The following SNX30 variants were observed in gnomAD, a reference collection of about 807,000 sequenced individuals.
SNX30 encodes sorting nexin-30.
SNX30 carries 24 observed loss-of-function variants against 46.4 expected under a neutral mutation model. The ratio of observed to expected loss-of-function variants is 0.52; its 90% CI spans 0.37 to 0.73. The LOEUF (loss-of-function observed/expected upper bound fraction) is 0.73, where lower values mean the gene tolerates loss of function less well. Ranked by LOEUF, SNX30 falls within the 30% of genes least tolerant of loss-of-function variation. The probability of loss-of-function intolerance (pLI) is 0.00; values close to 1 mark genes in which losing one functional copy is unlikely to be tolerated. For missense variants in SNX30, 533 were observed against 555.7 expected (o/e 0.96, Z 0.41); for synonymous variants, 189 against 211.5 (o/e 0.89, Z 0.92).
intron 1 of SNX30, among the ~76,000 whole-genome samples, chr9:112,796,858 G>A (rs954106646): frequency 6.6e-6 from 1 of 152,046 alleles, no homozygotes; most frequent in African/African-American, 2.4e-5. Context: ...AGAGCTCATG[G>A]ATGTGACTGC....
intron 2 of SNX30, among the ~76,000 whole-genome samples, chr9:112,813,875 AT>A (rs1840357758): frequency 6.6e-6 from 1 of 152,228 alleles, no homozygotes; most frequent in Admixed American, 6.5e-5. Context: ...TAATTATTGA[AT>A]ATTTAGGTTG....
intron 5 of SNX30, among the ~76,000 whole-genome samples, chr9:112,837,950 G>C (rs1840790079): frequency 7.0e-6 from 1 of 143,424 alleles, no homozygotes; most frequent in Non-Finnish European, 1.5e-5. Flanking sequence ...GAGTGCAGTG[G>C]AGTGATCTTG....
intron 1 of SNX30, among the ~76,000 whole-genome samples, chr9:112,751,596 T>G (rs1839277753): frequency 6.6e-6 from 1 of 152,236 alleles, no homozygotes; most frequent in African/African-American, 2.4e-5. Context: ...CGGGCAGCCC[T>G]GGGCTTACAG....
intron 1 of SNX30, among the ~76,000 whole-genome samples, chr9:112,757,054 A>G (rs1364464766): frequency 6.6e-6 from 1 of 152,176 alleles, no homozygotes; most frequent in Non-Finnish European, 1.5e-5. Context: ...TTTATTATTA[A>G]TAACTCTAGT....
chr9:112,774,609 G>C (rs1443885269), intron 1 of SNX30, among the ~76,000 whole-genome samples: 1 of 152,128 alleles, frequency 6.6e-6, no homozygotes, highest in East Asian at 1.9e-4. Flanking sequence ...CCACATTCTT[G>C]TCAAGACTTG....
chr9:112,791,524 G>A (rs1027428486), intron 1 of SNX30, among the ~76,000 whole-genome samples: 1 of 138,206 alleles, frequency 7.2e-6, no homozygotes, highest in African/African-American at 2.7e-5. Flanking sequence ...CGATTCTCCT[G>A]CCTCAGTCTC....
chr9:112,849,267 C>G (rs894261666), intron 6 of SNX30, among the ~76,000 whole-genome samples: 1 of 152,180 alleles, frequency 6.6e-6, no homozygotes, highest in Non-Finnish European at 1.5e-5. Flanking sequence ...ACAAAGGACT[C>G]TTTTTTACTT....
At chr9:112,823,989 T>C (rs1840543649) in intron 3 of SNX30, among the ~76,000 whole-genome samples, 1 of 152,220 alleles carries the variant, frequency 6.6e-6, no homozygotes, top group Non-Finnish European at 1.5e-5. Flanking sequence ...TTCTATTAGT[T>C]CGACAAGGGT....
intron 1 of SNX30, among the ~76,000 whole-genome samples, chr9:112,770,904 G>A (rs1163449795): frequency 5.3e-5 from 8 of 152,194 alleles, no homozygotes; most frequent in Non-Finnish European, 8.8e-5. Flanking sequence ...GCTGAGGCAG[G>A]AGAATCTCTT....
chr9:112,847,047 C>T (rs1438827934), intron 6 of SNX30, among the ~76,000 whole-genome samples: 2 of 152,224 alleles, frequency 1.3e-5, no homozygotes, highest in Non-Finnish European at 2.9e-5. Context: ...TCATCCAACT[C>T]TTCCAAACAT....
intron 1 of SNX30, among the ~76,000 whole-genome samples, chr9:112,754,636 C>G (rs1205049398): frequency 6.6e-6 from 1 of 152,124 alleles, no homozygotes; most frequent in Non-Finnish European, 1.5e-5. Context: ...GAACTTCTGA[C>G]CTCAGATGAT....
chr9:112,867,005 CTCCTCCCCCCTCCTCAGAAT>C (rs2131513221), intron 8 of SNX30, among the ~76,000 whole-genome samples: 2 of 146,724 alleles, frequency 1.4e-5, no homozygotes, highest in Non-Finnish European at 3.0e-5. Context: ...CTCCTCAGAA[CTCCTCCCCCCTCCTCAGAAT>C]TCCTCCCACC....
intron 1 of SNX30, among the ~76,000 whole-genome samples, chr9:112,782,602 A>T (rs998408868): frequency 2.0e-5 from 3 of 152,238 alleles, no homozygotes; most frequent in Non-Finnish European, 4.4e-5. Flanking sequence ...TATTTTCTAA[A>T]TAGTTAACCA....
intron 1 of SNX30, among the ~76,000 whole-genome samples, chr9:112,759,032 C>T (rs1839399017): frequency 6.6e-6 from 1 of 151,458 alleles, no homozygotes; most frequent in Non-Finnish European, 1.5e-5. Flanking sequence ...CATCTGGTGC[C>T]TTTTTTTTGT....
intron 1 of SNX30, among the ~76,000 whole-genome samples, chr9:112,791,224 G>T (rs1840014572): frequency 1.3e-5 from 2 of 151,878 alleles, no homozygotes; most frequent in Non-Finnish European, 2.9e-5. Context: ...CCTACCTGTA[G>T]CCCCTGGCAA....
intron 1 of SNX30, among the ~76,000 whole-genome samples, chr9:112,787,422 G>GC (rs1359968763): frequency 6.6e-6 from 1 of 152,108 alleles, no homozygotes; most frequent in Non-Finnish European, 1.5e-5. Flanking sequence ...TTTAAGGACA[G>GC]CCCCCAGCCC....
chr9:112,758,127 A>G (rs1839379464), intron 1 of SNX30, among the ~76,000 whole-genome samples: 1 of 152,124 alleles, frequency 6.6e-6, no homozygotes, highest in Non-Finnish European at 1.5e-5. Context: ...AAATTTCAGA[A>G]TGATCTGACT....
chr9:112,762,880 G>A (rs1017668969), intron 1 of SNX30, among the ~76,000 whole-genome samples: 20 of 152,234 alleles, frequency 1.3e-4, no homozygotes, highest in African/African-American at 3.9e-4. Context: ...CATGGAGCAC[G>A]AGCCTCGGTT....
chr9:112,884,099 G>C (rs1841615595), downstream of SNX30, among the ~76,000 whole-genome samples: 1 of 152,180 alleles, frequency 6.6e-6, no homozygotes, highest in African/African-American at 2.4e-5. Flanking sequence ...TATTTCCTCA[G>C]CATCTCCCTA....
Sources: gnomAD v4.1 joint callset for allele counts (sites outside exome capture counted in the v4.1 genomes callset) on GRCh38, gnomAD v4.1.1 for gene constraint, MANE v1.5 for transcripts, NCBI Gene and HGNC (gene_info 2026-07-23, HGNC 2026-07-21) for gene names.